The following MYO16 variants were observed in gnomAD, a reference collection of about 807,000 sequenced individuals.
The protein encoded by MYO16 is myosin XVI.
In MYO16, 94 loss-of-function variants were observed where a neutral mutation model predicts 205.3. That is an observed-to-expected ratio of 0.46 (90% confidence interval 0.39 to 0.54). The LOEUF (loss-of-function observed/expected upper bound fraction) is 0.54. MYO16 is among the 20% of genes least tolerant of loss of function. The pLI, the probability that MYO16 is intolerant of heterozygous loss-of-function variation, is 0.00. For synonymous variants in MYO16, 988 were observed against 954.0 expected (o/e 1.04, Z -0.66); for missense variants, 2,315 against 2,387.5 (o/e 0.97, Z 0.63).
At chr13:108,500,887 G>T in the MYO16 span, among the ~76,000 whole-genome samples, 3 of 152,116 alleles carry the variant, frequency 2.0e-5, no homozygotes, top group South Asian at 2.1e-4. Context: ...TTCTTGACCC[G>T]CTCCCTGCCC....
At chr13:108,536,932 G>A in the MYO16 span, among the ~76,000 whole-genome samples, 1 of 152,058 alleles carries the variant, frequency 6.6e-6, no homozygotes, top group Non-Finnish European at 1.5e-5. Context: ...GAGATTCCTG[G>A]AACTAATGTT....
intron 4 of MYO16, among the ~76,000 whole-genome samples, chr13:108,743,392 A>T (rs910917264): frequency 6.6e-6 from 1 of 152,230 alleles, no homozygotes; most frequent in African/African-American, 2.4e-5. Context: ...TATTATTTTA[A>T]GTAGTTTTGT....
intron 16 of MYO16, among the ~76,000 whole-genome samples, chr13:108,956,881 T>G (rs1361526791): frequency 6.6e-6 from 1 of 152,112 alleles, no homozygotes; most frequent in East Asian, 1.9e-4. Flanking sequence ...TCCTTTTCCT[T>G]CACATTCTCA....
rs1414266325 is a variant in MYO16 at position 109,140,786 on chromosome 13, C to T, written c.4574C>T (p.Ser1525Phe). The change falls in exon 32 of 35, where the codon TCC (serine) becomes TTC (phenylalanine). Residue 1525 changes from serine to phenylalanine, a missense_variant. Physicochemically the swap from Ser to Phe is radical, Grantham distance 155. Coordinates refer to ENST00000457511, the MANE Select transcript of MYO16 (RefSeq NM_001198950.3). This position sits in a 1 kb window ranked among gnomAD's most constrained non-coding sequence, Gnocchi z 8.0. Reference sequence around the variant, plus strand: ...TTCCCCCCGACCCCCGTCACCTGCTCCCCCGCCTCCGACGAGTCGCCCCTG... The same window carrying T: ...TTCCCCCCGACCCCCGTCACCTGCTTCCCCGCCTCCGACGAGTCGCCCCTG... ...LVFPPTPVTC[S>F]PASDESPLTP... 13 of 1,574,104 alleles carry T rather than the reference C, an allele frequency of 8.3e-6. No individual in the cohort carries two copies. The highest frequency in any genetic ancestry group is 1.2e-5 in the South Asian group (1 of 86,334).
At chr13:108,753,370 C>CAAAAAAAAAAAAAAAAAAAAAAAAAA (rs534466420) in intron 4 of MYO16, among the ~76,000 whole-genome samples, 12 of 111,772 alleles carry the variant, frequency 1.1e-4, no homozygotes, top group African/African-American at 4.2e-4. Flanking sequence ...AACTCTGTGA[C>CAAAAAAAAAAAAAAAAAAAAAAAAAA]AAAAAAAAAA....
chr13:108,516,232 C>T, the MYO16 span, among the ~76,000 whole-genome samples: 3 of 151,766 alleles, frequency 2.0e-5, no homozygotes, highest in South Asian at 4.2e-4. Flanking sequence ...GGGAGTGACC[C>T]GATTTTCCAG....
chr13:109,142,410 C>A (rs1877140858), intron 32 of MYO16, among the ~76,000 whole-genome samples: 1 of 151,432 alleles, frequency 6.6e-6, no homozygotes, highest in Admixed American at 6.5e-5. Flanking sequence ...CCAGGTGAGG[C>A]AGGAGGATAG....
At chr13:108,712,171 A>G (rs1043091929) in intron 2 of MYO16, among the ~76,000 whole-genome samples, 5 of 152,202 alleles carry the variant, frequency 3.3e-5, no homozygotes, top group Non-Finnish European at 7.3e-5. Context: ...CTTTGTTCTG[A>G]CGTGCTTTGT....
At chr13:108,735,064 T>C (rs1884644163) in intron 4 of MYO16, among the ~76,000 whole-genome samples, 1 of 152,170 alleles carries the variant, frequency 6.6e-6, no homozygotes, top group Admixed American at 6.5e-5. Context: ...AGGACAATAG[T>C]CTTGAGAGCC....
the MYO16 span, among the ~76,000 whole-genome samples, chr13:108,539,731 A>T: frequency 6.6e-6 from 1 of 152,132 alleles, no homozygotes; most frequent in Non-Finnish European, 1.5e-5. Flanking sequence ...TAGGTCTACA[A>T]GTGAGAGATA....
At chr13:108,855,290 T>TC (rs200109535) in intron 10 of MYO16, 153 bp from the exon 11 acceptor site, 32,234 of 392,700 alleles carry the variant, frequency 0.082, 1,148 homozygotes, top group Non-Finnish European at 0.097. Flanking sequence ...TTTTTTTTTT[T>TC]CTTTTTCATT....
chr13:108,972,279 AT>A (rs1884058253), intron 20 of MYO16, among the ~76,000 whole-genome samples: 1 of 72,770 alleles, frequency 1.4e-5, no homozygotes, highest in Non-Finnish European at 2.6e-5. Flanking sequence ...ATATATATAT[AT>A]TTACCAGCCA....
At chr13:109,122,404 C>T (rs1876032764) in intron 29 of MYO16, among the ~76,000 whole-genome samples, 2 of 152,236 alleles carry the variant, frequency 1.3e-5, no homozygotes, top group East Asian at 3.9e-4. Context: ...AAAGGTCGGG[C>T]GCAGTGGCTC....
At chr13:109,182,089 A>G (rs1258208261) in intron 34 of MYO16, among the ~76,000 whole-genome samples, 1 of 152,176 alleles carries the variant, frequency 6.6e-6, no homozygotes, top group East Asian at 1.9e-4. Flanking sequence ...AAGTGCTGGG[A>G]TTACAGGCGG....
chr13:108,917,577 T>G (rs924208589), intron 16 of MYO16, among the ~76,000 whole-genome samples: 6 of 151,558 alleles, frequency 4.0e-5, no homozygotes, highest in South Asian at 4.2e-4. Context: ...ATCTATTGCA[T>G]GAAGCCTATA....
chr13:109,020,464 C>T (rs1241163731), intron 23 of MYO16, among the ~76,000 whole-genome samples: 1 of 150,194 alleles, frequency 6.7e-6, no homozygotes, highest in East Asian at 1.9e-4. Context: ...CCAAGCTGAT[C>T]ATAATTTTTT....
chr13:108,957,354 G>T (rs528330290), intron 16 of MYO16, among the ~76,000 whole-genome samples: 1 of 127,634 alleles, frequency 7.8e-6, no homozygotes, highest in East Asian at 2.4e-4. Context: ...CTGTGCTCCA[G>T]CCTGGATGAC....
chr13:109,189,198 T>C (rs1185154394), intron 34 of MYO16, among the ~76,000 whole-genome samples: 1 of 152,114 alleles, frequency 6.6e-6, no homozygotes, highest in South Asian at 2.1e-4. Context: ...CTCTGCTTTA[T>C]TCTAGCAGTG....
At chr13:108,759,213 A>T (rs948055870) in intron 4 of MYO16, among the ~76,000 whole-genome samples, 4 of 152,230 alleles carry the variant, frequency 2.6e-5, no homozygotes, top group African/African-American at 9.6e-5. Flanking sequence ...TACTTTAAGA[A>T]CTGTATAACT....
Sources: allele counts gnomAD v4.1 joint callset (sites outside exome capture counted in the v4.1 genomes callset), GRCh38; gene constraint gnomAD v4.1.1; non-coding constraint Gnocchi (gnomAD v3.1); transcripts MANE v1.5; gene names NCBI Gene and HGNC (gene_info 2026-07-23, HGNC 2026-07-21).